ULK1: variants seen among roughly 807,000 people sequenced by gnomAD.
ULK1 encodes the protein serine/threonine-protein kinase ULK1.
ULK1 carries 48 observed loss-of-function variants against 117.5 expected under a neutral mutation model. The ratio of observed to expected loss-of-function variants is 0.41; its 90% CI spans 0.32 to 0.52. The LOEUF (loss-of-function observed/expected upper bound fraction) is 0.52. ULK1 is among the 20% of genes least tolerant of loss of function. The probability of loss-of-function intolerance (pLI) is 0.29; values close to 1 mark genes in which losing one functional copy is unlikely to be tolerated. For synonymous variants in ULK1, 790 were observed against 637.8 expected, an observed-to-expected ratio of 1.24 and a Z score of -3.60; for missense variants, 1,387 against 1,473.4, an observed-to-expected ratio of 0.94 and a Z score of 0.96.
rs1890133790 is a variant in ULK1 at position 131,921,183 on chromosome 12, G to A, written c.3045G>A (p.Glu1015=). The A allele has an allele frequency of 2.5e-6, 4 of 1,606,196 alleles. No homozygotes were observed. In the East Asian group the frequency reaches 6.7e-5, roughly 27 times the overall value. Reference sequence around the variant, plus strand: ...ACCACAAGGCCCTGCTGCTCCTGGAGGGGCTGCAGCACATGCTCTCGGACC... The same window carrying A: ...ACCACAAGGCCCTGCTGCTCCTGGAAGGGCTGCAGCACATGCTCTCGGACC... ...PRYHKALLLL[E]GLQHMLSDQA... is the part of the protein sequence containing the mutation. Residue 1015 remains glutamate, a synonymous_variant, in exon 27 of 28, where the codon GAG becomes GAA. Coordinates refer to ENST00000321867, the MANE Select transcript of ULK1 (RefSeq NM_003565.4).
At chr12:131,895,316 T>TG (rs1888822681) in intron 1 of ULK1, among the ~76,000 whole-genome samples, 1 of 100,532 alleles carries the variant, frequency 9.9e-6, no homozygotes, top group Non-Finnish European at 1.9e-5. Context: ...CGAGATCCGC[T>TG]GCCGGGCTTT....
chr12:131,898,890 T>C (rs1356651461), intron 3 of ULK1, among the ~76,000 whole-genome samples: 1 of 151,738 alleles, frequency 6.6e-6, no homozygotes, highest in Admixed American at 6.6e-5. Context: ...TATTTCTTTT[T>C]TTTTTTGAGA....
rs769419922 is a variant in ULK1 at position 131,916,011 on chromosome 12, C to T, written c.1730C>T (p.Pro577Leu). Residue 577 changes from proline (P) to leucine (L), a missense_variant, in exon 19 of 28, where the codon CCC becomes CTC. By Grantham distance (98) the Pro-to-Leu change is moderately conservative (BLOSUM62 -3). Transcript: ENST00000321867. ...AAGCTGCCCAAACCCCCCACGGACC[C>T]CCTGGGAGCTGTGTTCAGCCCACCA... ...RPKLPKPPTD[P>L]LGAVFSPPQA... The T allele has an allele frequency of 2.5e-5, 40 of 1,612,244 alleles. No homozygotes were observed. In the African/African-American group the frequency reaches 4.0e-4, roughly 16 times the overall value.
Position 131,902,856 on chromosome 12 carries a change from G to T in ULK1, c.247-4036G>T, listed in dbSNP as rs970550633. On this transcript the variant is annotated intron_variant, in intron 3 of 27. Coordinates refer to ENST00000321867, the MANE Select transcript of ULK1 (RefSeq NM_003565.4). This position sits in a 1 kb window ranked among gnomAD's most constrained non-coding sequence, Gnocchi z 6.3. ...TCCCCTGGAGCCCAGGGAGGCAGTT[G>T]TGGCCCTTTCTGGTGTCTTAACTGG... Among the ~76,000 whole-genome samples the T allele has an allele frequency of 1.3e-5, 2 of 152,174 alleles. No homozygotes were observed. Among genetic ancestry groups the T allele is most frequent in the Admixed American group, 6.5e-5 (1 of 15,284 alleles).
rs546159370 is a variant in ULK1, at chr12:131,903,986, A to G, written c.247-2906A>G. Reference sequence around the variant, plus strand: ...AGTAGCGAGGTGGGTTCCAGCACCCATGAGGCCAGTGTGGCTGGAGGGATG... The same window carrying G: ...AGTAGCGAGGTGGGTTCCAGCACCCGTGAGGCCAGTGTGGCTGGAGGGATG... On this transcript the variant is annotated intron_variant, in intron 3 of 27. Transcript: ENST00000321867. The surrounding 1 kb of genome is among the most constrained non-coding windows in gnomAD (Gnocchi z 6.0). Among the ~76,000 whole-genome samples the G allele has an allele frequency of 6.6e-6, 1 of 152,150 alleles. No individual in the cohort carries two copies. Among genetic ancestry groups the G allele is most frequent in the Non-Finnish European group, 1.5e-5 (1 of 67,948 alleles).
At chr12:131,910,606 C>A (rs543408387) in intron 11 of ULK1, 106 bp from the exon 12 acceptor site, 1 of 1,606,560 alleles carries the variant, frequency 6.2e-7, no homozygotes, top group Admixed American at 1.7e-5. Context: ...GGGGTGTAGC[C>A]GGAAGTGGAG....
At chr12:131,917,607 C>G (rs1353773895) in intron 22 of ULK1, 53 bp downstream of exon 22, 3 of 1,327,090 alleles carry the variant, frequency 2.3e-6, no homozygotes, top group African/African-American at 1.5e-5. Flanking sequence ...TGGCAGCGCC[C>G]TAGCGGACGG....
At chr12:131,895,170 C>A in intron 1 of ULK1, 58 bp downstream of exon 1, 1 of 1,282,936 alleles carries the variant, frequency 7.8e-7, no homozygotes. Context: ...CCTGCATCCC[C>A]GCCCCGAGAT....
intron 11 of ULK1, 115 bp from the exon 12 acceptor site, chr12:131,910,597 G>C: frequency 6.2e-7 from 1 of 1,601,664 alleles, no homozygotes; most frequent in Non-Finnish European, 8.5e-7. Flanking sequence ...CTGCTGGTCG[G>C]GGTGTAGCCG....
intron 26 of ULK1, chr12:131,920,579 GT>G (rs11428159): frequency 1.1e-4 from 22 of 193,280 alleles, no homozygotes; most frequent in South Asian, 8.6e-4. Context: ...ATTTTTTGTT[GT>G]TTTTTTTTAA....
Position 131,907,502 on chromosome 12 carries a change from A to G in ULK1, c.287A>G (p.Asn96Ser). ...NSVYLVMEYC[N>S]GGDLADYLHA... ...GTGTCTGGTCTCTTGCAGTACTGCAACGGTGGGGACCTGGCCGACTACCTG... is the reference window on the plus strand; with the variant it reads ...GTGTCTGGTCTCTTGCAGTACTGCAGCGGTGGGGACCTGGCCGACTACCTG... Residue 96 changes from asparagine to serine, a missense_variant, in exon 5 of 28, where the codon AAC (asparagine) becomes AGC (serine). Physicochemically the swap from Asn to Ser is conservative, Grantham distance 46. Coordinates refer to ENST00000321867, the MANE Select transcript of ULK1 (RefSeq NM_003565.4). 1.9e-6 allele frequency: 3 copies of G among 1,612,684 alleles called. No homozygotes were observed. The highest frequency in any genetic ancestry group is 2.5e-6 in the Non-Finnish European group (3 of 1,179,732).
intron 11 of ULK1, 74 bp from the exon 12 acceptor site, chr12:131,910,638 A>G (rs1449748661): frequency 1.2e-6 from 2 of 1,612,198 alleles, no homozygotes; most frequent in Non-Finnish European, 8.5e-7. Flanking sequence ...GAGCTTGTCC[A>G]GTCTGTGGGT....
chr12:131,911,893 G>T lies in ULK1; in HGVS notation c.949-49G>T, dbSNP rs368802087. ...CAGGAGGGGGAATTTGCTCCCCTGA[G>T]TGTGTAGGTCCCTGAGACCTGCTCA... On this transcript the variant is annotated intron_variant, in intron 12 of 27. Coordinates refer to ENST00000321867, the MANE Select transcript of ULK1 (RefSeq NM_003565.4). The T allele has an allele frequency of 4.2e-4, 670 of 1,612,212 alleles. 9 individuals carry two copies. In the Middle Eastern group the frequency reaches 0.022, roughly 52 times the overall value.
rs1888799518 is a variant in ULK1, at chr12:131,894,961, G to C, written c.-41G>C. ...CTCCGCCTGAGTCCCCCGCGCCTTG[G>C]CCCGCCACCCCCCGCCCCGCGCCCC... On this transcript the variant is annotated 5_prime_UTR_variant, in exon 1 of 28. Transcript: ENST00000321867. 3.1e-6 allele frequency: 3 copies of C among 953,690 alleles called. No homozygotes were observed. The highest frequency in any genetic ancestry group is 3.8e-5 in the African/African-American group (2 of 53,044). The allele number at this position is 953,690 out of a possible 1,614,324, so 59.1% of individuals were successfully genotyped here. A position where few individuals can be genotyped will look rare whatever the true frequency, so the allele number is the denominator to read the frequency against.
At chr12:131,905,968 C>G (rs1288452353) in intron 3 of ULK1, among the ~76,000 whole-genome samples, 1 of 152,292 alleles carries the variant, frequency 6.6e-6, no homozygotes, top group African/African-American at 2.4e-5. Context: ...GAGGGGGTGG[C>G]TGAGACGCCT....
rs1352064741 is a variant in ULK1, at chr12:131,922,593, A to G, written c.*1232A>G. The G allele has an allele frequency of 6.5e-6, 1 of 154,118 alleles. No homozygotes were observed. The highest frequency in any genetic ancestry group is 2.4e-5 in the African/African-American group (1 of 41,440). 9.5% of individuals were successfully genotyped at this position (154,118 alleles called of 1,614,324 possible). ...GATTCCAGGCGGGCATGCCCTGCAA[A>G]CCCCGCCTGGGCCTCCCTTGGTCTG... is the stretch of plus-strand genomic sequence containing the variant. On this transcript the variant is annotated 3_prime_UTR_variant, in exon 28 of 28. Transcript: ENST00000321867.
In ULK1 at chr12:131,911,712, G is replaced by C. The variant is rs1197982118; in HGVS notation, c.949-230G>C. ...TCAACCCACCCAGGCTGCATGGTGA[G>C]AGTGGCTCGTCGGGGGGCCTGTCCC... On this transcript the variant is annotated intron_variant, in intron 12 of 27. Coordinates refer to ENST00000321867, the MANE Select transcript of ULK1 (RefSeq NM_003565.4). 4.6e-5 allele frequency among the ~76,000 whole-genome samples: 7 copies of C among 152,274 alleles called. No homozygotes were observed. In the East Asian group the frequency reaches 9.6e-4, roughly 21 times the overall value.
Position 131,921,434 on chromosome 12 carries a change from T to G in ULK1, c.*73T>G. 6.3e-7 allele frequency: 1 copy of G among 1,589,286 alleles called. No homozygotes were observed. The highest frequency in any genetic ancestry group is 2.2e-5 in the East Asian group (1 of 44,810). On this transcript the variant is annotated 3_prime_UTR_variant, in exon 28 of 28. Coordinates refer to ENST00000321867, the MANE Select transcript of ULK1 (RefSeq NM_003565.4). ...GGGCTCTGTGTGCTGGCTGGACTCC[T>G]CGGGACAAGCCCATGGCGCTGATCG... is the stretch of plus-strand genomic sequence containing the variant.
rs1407906711 is a variant in ULK1, at chr12:131,921,291, C to T, written c.3098-15C>T. On this transcript the variant is annotated splice_polypyrimidine_tract_variant and intron_variant, in intron 27 of 27. Transcript: ENST00000321867. ...ACTCTGGGCGTCTCCCTCACACTCCCCTCTCCCTCCACAGGCAAGCTGTGC... is the reference window on the plus strand; with the variant it reads ...ACTCTGGGCGTCTCCCTCACACTCCTCTCTCCCTCCACAGGCAAGCTGTGC... The T allele has an allele frequency of 6.2e-7, 1 of 1,608,158 alleles. No homozygotes were observed. Among genetic ancestry groups the T allele is most frequent in the Admixed American group, 1.7e-5 (1 of 60,030 alleles).
Sources: gnomAD v4.1 joint callset for allele counts (sites outside exome capture counted in the v4.1 genomes callset) on GRCh38, gnomAD v4.1.1 for gene constraint, Gnocchi (gnomAD v3.1) non-coding constraint, MANE v1.5 for transcripts, NCBI Gene and HGNC (gene_info 2026-07-23, HGNC 2026-07-21) for gene names.